ZFHX3: variants seen among roughly 807,000 people sequenced by gnomAD.
ZFHX3 encodes zinc finger homeobox 3.
In ZFHX3, 42 loss-of-function variants were observed where a neutral mutation model predicts 279.1. The ratio of observed to expected loss-of-function variants is 0.15; its 90% CI spans 0.12 to 0.19. The LOEUF (loss-of-function observed/expected upper bound fraction) is 0.19, where lower values mean the gene tolerates loss of function less well. Ranked by LOEUF, ZFHX3 falls within the 10% of genes least tolerant of loss-of-function variation. The pLI, the probability that ZFHX3 is intolerant of heterozygous loss-of-function variation, is 1.00. For missense variants in ZFHX3, 4,981 were observed against 4,754.0 expected (o/e 1.05, Z -1.40); for synonymous variants, 2,293 against 1,957.8 (o/e 1.17, Z -4.52).
chr16:73,110,141 T>C (rs1000043075), intron 7 of ZFHX3, among the ~76,000 whole-genome samples: 1 of 151,888 alleles, frequency 6.6e-6, no homozygotes, highest in Admixed American at 6.6e-5. Flanking sequence ...GAGGTGGAGC[T>C]TGCAGTGAGC....
intron 1 of ZFHX3, among the ~76,000 whole-genome samples, chr16:72,964,956 C>T (rs1044161944): frequency 1.3e-5 from 2 of 152,150 alleles, no homozygotes; most frequent in African/African-American, 4.8e-5. Flanking sequence ...CAGCTCACTG[C>T]AACCTCTGCC....
At chr16:73,389,778 G>T (rs896632508) in intron 3 of ZFHX3, among the ~76,000 whole-genome samples, 1 of 152,320 alleles carries the variant, frequency 6.6e-6, no homozygotes, top group East Asian at 1.9e-4. Flanking sequence ...TTGAAAAATC[G>T]GCCAGGCATG....
chr16:73,560,336 C>G (rs1413742306), intron 2 of ZFHX3, among the ~76,000 whole-genome samples: 10 of 152,220 alleles, frequency 6.6e-5, no homozygotes, highest in Admixed American at 6.5e-4. Flanking sequence ...GACCCATTCT[C>G]AGGCCCATTT....
chr16:73,371,276 C>T (rs189760682), intron 3 of ZFHX3, among the ~76,000 whole-genome samples: 417 of 151,968 alleles, frequency 2.7e-3, no homozygotes, highest in Non-Finnish European at 3.7e-3. Context: ...CACTGCACTC[C>T]GGCCTGGGCA....
At chr16:73,518,434 T>C (rs926937555) in intron 2 of ZFHX3, among the ~76,000 whole-genome samples, 2 of 152,230 alleles carry the variant, frequency 1.3e-5, no homozygotes, top group East Asian at 3.8e-4. Flanking sequence ...TTCTGGGAAG[T>C]CACCTTATCC....
At chr16:72,890,950 C>T (rs1190927441) in intron 3 of ZFHX3, among the ~76,000 whole-genome samples, 2 of 152,230 alleles carry the variant, frequency 1.3e-5, no homozygotes, top group Non-Finnish European at 2.9e-5. Context: ...GTTAAGCCAA[C>T]CCCTGCTTCA....
intron 5 of ZFHX3, among the ~76,000 whole-genome samples, chr16:73,174,108 C>T (rs1967603299): frequency 6.6e-6 from 1 of 152,086 alleles, no homozygotes; most frequent in Non-Finnish European, 1.5e-5. Flanking sequence ...GACGTGTTTC[C>T]CCCAGGCGAG....
intron 1 of ZFHX3, among the ~76,000 whole-genome samples, chr16:73,750,794 C>T (rs2053755326): frequency 6.6e-6 from 1 of 151,672 alleles, no homozygotes; most frequent in African/African-American, 2.4e-5. Context: ...ACATTGCAGG[C>T]AATTAGGGGT....
chr16:73,718,575 G>C (rs2053439717), intron 1 of ZFHX3, among the ~76,000 whole-genome samples: 1 of 151,792 alleles, frequency 6.6e-6, no homozygotes, highest in South Asian at 2.1e-4. Context: ...GCCAGACCAT[G>C]AGCTGAATCA....
intron 2 of ZFHX3, among the ~76,000 whole-genome samples, chr16:73,658,698 C>G (rs1442145354): frequency 6.6e-6 from 1 of 152,146 alleles, no homozygotes; most frequent in East Asian, 1.9e-4. Context: ...AATACCAAGT[C>G]TTCTGTAATT....
At chr16:73,311,816 T>C (rs1026629353) in intron 4 of ZFHX3, among the ~76,000 whole-genome samples, 3 of 152,110 alleles carry the variant, frequency 2.0e-5, no homozygotes, top group Admixed American at 2.0e-4. Context: ...CCGTGCAACA[T>C]TTACATATAG....
At chr16:73,112,510 T>TGA (rs1382219364) in intron 7 of ZFHX3, among the ~76,000 whole-genome samples, 1 of 151,706 alleles carries the variant, frequency 6.6e-6, no homozygotes, top group African/African-American at 2.4e-5. Context: ...GTCAGGAGTT[T>TGA]GAGACCAGCC....
At chr16:73,486,033 C>A (rs1394943469) in intron 2 of ZFHX3, among the ~76,000 whole-genome samples, 4 of 152,170 alleles carry the variant, frequency 2.6e-5, no homozygotes, top group Non-Finnish European at 5.9e-5. Flanking sequence ...GCAGTTGAGC[C>A]ATAAACATAT....
intron 4 of ZFHX3, among the ~76,000 whole-genome samples, chr16:73,308,646 T>C (rs991132970): frequency 6.6e-6 from 1 of 152,042 alleles, no homozygotes; most frequent in Admixed American, 6.6e-5. Flanking sequence ...AGTGCTAAGC[T>C]AGGAAATGAG....
chr16:73,495,869 C>G (rs1261668253), intron 2 of ZFHX3, among the ~76,000 whole-genome samples: 1 of 152,202 alleles, frequency 6.6e-6, no homozygotes, highest in Admixed American at 6.5e-5. Context: ...AACTGCAGGT[C>G]ACATGAATTT....
rs965054836 is a variant in ZFHX3, at chr16:73,149,178, C to T, written c.-1103-5347G>A. Among the ~76,000 whole-genome samples the T allele has an allele frequency of 3.1e-4, 43 of 140,746 alleles. 1 individual carries two copies. Among genetic ancestry groups the T allele is most frequent in the African/African-American group, 9.2e-4 (35 of 37,898 alleles). The allele number at this position is 140,746 out of a possible 152,430, so 92.3% of individuals were successfully genotyped here. ...AGATATTATACTTTATTAATAAATGCCAATATATTTTACTTTATATTATAT... is the reference window on the plus strand; with the variant it reads ...AGATATTATACTTTATTAATAAATGTCAATATATTTTACTTTATATTATAT... On this transcript the variant is annotated intron_variant, in intron 5 of 17. Transcript: ENST00000641206.
At chr16:73,141,006 C>T (rs1803722684) in intron 6 of ZFHX3, among the ~76,000 whole-genome samples, 1 of 152,168 alleles carries the variant, frequency 6.6e-6, no homozygotes, top group African/African-American at 2.4e-5. Flanking sequence ...AGCTGGTCAC[C>T]CCACCCCATA....
intron 5 of ZFHX3, among the ~76,000 whole-genome samples, chr16:73,251,833 CCATGCACACGCA>C (rs1210649611): frequency 1.6e-5 from 2 of 126,874 alleles, no homozygotes; most frequent in Non-Finnish European, 3.2e-5. Flanking sequence ...CACACACACA[CCATGCACACGCA>C]CATACACACC....
At position 72,812,029 on chromosome 16, in the gene ZFHX3, C is replaced by G. The variant is rs200366812; in HGVS notation, c.3539G>C (p.Ser1180Thr). The change falls in exon 6 of 10, where the codon AGC (serine) becomes ACC (threonine). Residue 1180 changes from serine to threonine, a missense_variant. Transcript: ENST00000268489. ...AKDQEGGASS[S>T]QAEKELTDSP... ...ATCTGTCAGCTCCTTCTCTGCTTGG[C>G]TGGACGATGCTAAAAGAGAAAGTAG... The G allele has an allele frequency of 6.8e-6, 11 of 1,614,014 alleles. No homozygotes were observed. Among genetic ancestry groups the G allele is most frequent in the Non-Finnish European group, 8.5e-7 (1 of 1,179,950 alleles).
Sources: allele counts gnomAD v4.1 joint callset (sites outside exome capture counted in the v4.1 genomes callset), GRCh38; gene constraint gnomAD v4.1.1; transcripts MANE v1.5; gene names NCBI Gene and HGNC (gene_info 2026-07-23, HGNC 2026-07-21).